The following CDH4 variants were observed in gnomAD, a reference collection of about 807,000 sequenced individuals.
CDH4 encodes cadherin 4, also known as cadherin-4.
Under a neutral mutation model 86.0 loss-of-function variants are expected in CDH4, and 33 were observed. That is an observed-to-expected ratio of 0.38 (90% CI 0.29 to 0.51). The LOEUF is 0.51. Among genes scored for constraint, CDH4 ranks in the 20% least tolerant of loss-of-function variants. CDH4 has a pLI of 0.86. For synonymous variants in CDH4, 555 were observed against 549.4 expected (o/e 1.01, Z -0.14); for missense variants, 1,114 against 1,307.4 (o/e 0.85, Z 2.28).
chr20:61,926,542 TGCCGCAGCTCAA>T (rs1375495062), intron 11 of CDH4, among the ~76,000 whole-genome samples: 1 of 152,160 alleles, frequency 6.6e-6, no homozygotes, highest in African/African-American at 2.4e-5. Flanking sequence ...GAGGGTCCCC[TGCCGCAGCTCAA>T]GCCCTGAGGT....
intron 2 of CDH4, among the ~76,000 whole-genome samples, chr20:61,321,269 C>A (rs2123242222): frequency 6.6e-6 from 1 of 152,282 alleles, no homozygotes; most frequent in South Asian, 2.1e-4. Flanking sequence ...AGAGTCTTCT[C>A]ATTGATCTAG....
intron 8 of CDH4, among the ~76,000 whole-genome samples, chr20:61,907,176 G>C (rs138266480): frequency 3.9e-5 from 6 of 152,162 alleles, no homozygotes; most frequent in Non-Finnish European, 7.4e-5. Context: ...TCACAGCTCT[G>C]TCCCACCCCC....
chr20:61,632,603 A>T (rs1568724010), intron 2 of CDH4, among the ~76,000 whole-genome samples: 2 of 147,922 alleles, frequency 1.4e-5, no homozygotes, highest in Non-Finnish European at 3.0e-5. Context: ...CCCTCCACCC[A>T]CTCCACCCAC....
intron 2 of CDH4, among the ~76,000 whole-genome samples, chr20:61,683,914 G>A (rs891961403): frequency 6.6e-6 from 1 of 152,240 alleles, no homozygotes; most frequent in African/African-American, 2.4e-5. Context: ...AGAGGGATGG[G>A]TGGGAGTTGG....
intron 7 of CDH4, among the ~76,000 whole-genome samples, chr20:61,889,295 TGGA>T (rs1984680101): frequency 1.3e-4 from 1 of 7,708 alleles, no homozygotes; most frequent in African/African-American, 3.4e-4. Flanking sequence ...CTTTAAAGCA[TGGA>T]TGGATGGATG....
intron 2 of CDH4, among the ~76,000 whole-genome samples, chr20:61,284,910 G>A (rs1019233160): frequency 3.9e-5 from 6 of 152,234 alleles, no homozygotes; most frequent in African/African-American, 1.4e-4. Context: ...ACATGAATGG[G>A]TGGGGCTGTG....
At chr20:61,767,142 G>T (rs575560635) in intron 3 of CDH4, among the ~76,000 whole-genome samples, 1 of 152,242 alleles carries the variant, frequency 6.6e-6, no homozygotes, top group East Asian at 1.9e-4. Context: ...GCCCGTGCAG[G>T]ACTCAGGAAG....
chr20:61,296,148 T>C (rs963920213), intron 2 of CDH4, among the ~76,000 whole-genome samples: 1 of 152,102 alleles, frequency 6.6e-6, no homozygotes, highest in Non-Finnish European at 1.5e-5. Flanking sequence ...GGGTTGGATG[T>C]GCTGGAACTT....
At chr20:61,634,216 C>T (rs1414474836) in intron 2 of CDH4, among the ~76,000 whole-genome samples, 4 of 152,202 alleles carry the variant, frequency 2.6e-5, no homozygotes, top group South Asian at 2.1e-4. Context: ...CCCAGCCACA[C>T]GGACAGGGAG....
chr20:61,896,756 C>T (rs963910158), intron 8 of CDH4, among the ~76,000 whole-genome samples: 5 of 152,222 alleles, frequency 3.3e-5, no homozygotes, highest in African/African-American at 1.2e-4. Context: ...GGCCAGGCTG[C>T]CGGGGAGTCT....
At chr20:61,716,449 G>T (rs1337329596) in intron 2 of CDH4, among the ~76,000 whole-genome samples, 2 of 152,244 alleles carry the variant, frequency 1.3e-5, no homozygotes, top group African/African-American at 4.8e-5. Flanking sequence ...GGGCTTTGGG[G>T]GCAGGACCCA....
chr20:61,497,965 C>A (rs966998599), intron 2 of CDH4, among the ~76,000 whole-genome samples: 14 of 149,230 alleles, frequency 9.4e-5, no homozygotes, highest in African/African-American at 2.5e-4. Context: ...GGACAAAAAA[C>A]CAAACACCGC....
chr20:61,740,118 A>C (rs1390717428), intron 2 of CDH4, among the ~76,000 whole-genome samples: 1 of 152,214 alleles, frequency 6.6e-6, no homozygotes, highest in Non-Finnish European at 1.5e-5. Flanking sequence ...CAAAGGTGAA[A>C]AGTAGAATGG....
At chr20:61,468,340 C>A (rs1168327380) in intron 2 of CDH4, among the ~76,000 whole-genome samples, 5 of 147,532 alleles carry the variant, frequency 3.4e-5, no homozygotes, top group African/African-American at 1.3e-4. Context: ...AAGAGCCAGA[C>A]CTCTCTTTGG....
chr20:61,315,452 G>A (rs780503728), intron 2 of CDH4, among the ~76,000 whole-genome samples: 7 of 152,152 alleles, frequency 4.6e-5, no homozygotes, highest in Non-Finnish European at 8.8e-5. Context: ...GCCTCAGACA[G>A]ATTTTCAGCT....
intron 2 of CDH4, among the ~76,000 whole-genome samples, chr20:61,506,841 G>T (rs550343121): frequency 1.3e-5 from 2 of 152,146 alleles, no homozygotes; most frequent in African/African-American, 4.8e-5. Context: ...TGCTGGGTAG[G>T]GTTTAAACAT....
intron 2 of CDH4, among the ~76,000 whole-genome samples, chr20:61,577,175 T>C (rs2086388329): frequency 6.6e-6 from 1 of 151,834 alleles, no homozygotes; most frequent in Admixed American, 6.6e-5. Context: ...GAAGGATGAG[T>C]GTATGTGTGT....
intron 2 of CDH4, among the ~76,000 whole-genome samples, chr20:61,447,347 T>G (rs6062084): frequency 1.7e-5 from 2 of 116,498 alleles, no homozygotes; most frequent in East Asian, 4.6e-4. Flanking sequence ...TTTTTTTTTG[T>G]ATTTTTAGTA....
At chr20:61,465,117 A>G (rs573223879) in intron 2 of CDH4, among the ~76,000 whole-genome samples, 2 of 152,344 alleles carry the variant, frequency 1.3e-5, no homozygotes, top group African/African-American at 4.8e-5. Flanking sequence ...GATCTGGCAT[A>G]CAGAATGCTG....
Sources: allele counts gnomAD v4.1 joint callset (sites outside exome capture counted in the v4.1 genomes callset), GRCh38; gene constraint gnomAD v4.1.1; transcripts MANE v1.5; gene names NCBI Gene and HGNC (gene_info 2026-07-23, HGNC 2026-07-21).